Variants in ZNF680 observed in about 807,000 individuals in gnomAD.
ZNF680 encodes hypothetical protein FLJ90430.
ZNF680 carries 6 observed loss-of-function variants against 12.1 expected under a neutral mutation model. That is an observed-to-expected ratio of 0.49 (90% CI 0.27 to 0.98). ZNF680 has a LOEUF of 0.98. Among genes scored for constraint, ZNF680 ranks in the 50% least tolerant of loss-of-function variants. The pLI, the probability that ZNF680 is intolerant of heterozygous loss-of-function variation, is 0.12. For synonymous variants in ZNF680, 170 were observed against 199.3 expected, an observed-to-expected ratio of 0.85 and a Z score of 1.24; for missense variants, 561 against 616.3, an observed-to-expected ratio of 0.91 and a Z score of 0.95.
chr7:64,555,731 A>AT (rs966720505), intron 1 of ZNF680, among the ~76,000 whole-genome samples: 4 of 88,662 alleles, frequency 4.5e-5, no homozygotes, highest in African/African-American at 1.8e-4. Context: ...TTTGTAAAAA[A>AT]AAATATATAT....
downstream of ZNF680, among the ~76,000 whole-genome samples, chr7:64,518,718 A>G (rs1791404842): frequency 6.6e-6 from 1 of 152,074 alleles, no homozygotes; most frequent in African/African-American, 2.4e-5. Flanking sequence ...TTTTTGACAA[A>G]GCAAACAAAA....
At chr7:64,533,063 T>C (rs947174317) in intron 3 of ZNF680, among the ~76,000 whole-genome samples, 1 of 152,100 alleles carries the variant, frequency 6.6e-6, no homozygotes, top group African/African-American at 2.4e-5. Flanking sequence ...GCCAACATAA[T>C]ACTGAATGGG....
At chr7:64,506,742 G>A in the ZNF680 span, among the ~76,000 whole-genome samples, 1 of 151,818 alleles carries the variant, frequency 6.6e-6, no homozygotes, top group East Asian at 1.9e-4. Flanking sequence ...GTTTTTTATT[G>A]TTGTACTCAA....
chr7:64,500,867 A>T, the ZNF680 span: 1 of 524,230 alleles, frequency 1.9e-6, no homozygotes, highest in Non-Finnish European at 3.7e-6. Context: ...TCGCTCCATG[A>T]ACTCCCATGT....
At position 64,525,916 on chromosome 7, in the gene ZNF680, G is replaced by A. The variant is rs1028778422; in HGVS notation, c.254-3416C>T. 1.1e-5 allele frequency: 11 copies of A among 984,484 alleles called. No homozygotes were observed. In the African/African-American group the frequency reaches 1.9e-4, roughly 17 times the overall value. 61.0% of individuals were successfully genotyped at this position (984,484 alleles called of 1,614,324 possible). On this transcript the variant is annotated intron_variant, in intron 3 of 3. Transcript: ENST00000309683. ...AAAGAACAGGGAAAATATTTATACA[G>A]GTAAACACAGAGATCGTTATATTGG...
At chr7:64,513,907 G>A in the ZNF680 span, among the ~76,000 whole-genome samples, 1 of 152,098 alleles carries the variant, frequency 6.6e-6, no homozygotes, top group Non-Finnish European at 1.5e-5. Flanking sequence ...GCCTCCCAAA[G>A]TGCTGGGATT....
chr7:64,517,070 A>ACCAAAC (rs771494297), downstream of ZNF680, among the ~76,000 whole-genome samples: 1 of 152,072 alleles, frequency 6.6e-6, no homozygotes, highest in Non-Finnish European at 1.5e-5. Context: ...ACAAGAACAA[A>ACCAAAC]CCAAACCCAA....
chr7:64,520,676 G>C lies in ZNF680; in HGVS notation c.*485C>G, dbSNP rs1791480360. 6.6e-6 allele frequency: 1 copy of C among 151,878 alleles called. No individual in the cohort carries two copies. Among genetic ancestry groups the C allele is most frequent in the African/African-American group, 2.4e-5 (1 of 41,398 alleles). The allele number at this position is 151,878 out of a possible 1,614,324, so 9.4% of individuals were successfully genotyped here. A position where few individuals can be genotyped will look rare whatever the true frequency, so the allele number is the denominator to read the frequency against. ...TCTCCAATATAAATTCCCTGATGTTGAACAAAGTTTGAGCAACTGCTTCAG... is the reference window on the plus strand; with the variant it reads ...TCTCCAATATAAATTCCCTGATGTTCAACAAAGTTTGAGCAACTGCTTCAG... On this transcript the variant is annotated 3_prime_UTR_variant, in exon 4 of 4. Coordinates refer to ENST00000309683, the MANE Select transcript of ZNF680 (RefSeq NM_178558.5).
intron 3 of ZNF680, among the ~76,000 whole-genome samples, chr7:64,523,866 T>A (rs1261025751): frequency 6.6e-6 from 1 of 150,424 alleles, no homozygotes. Flanking sequence ...TGAGCTGAGA[T>A]CGCGCCACTG....
chr7:64,499,813 A>T, the ZNF680 span, among the ~76,000 whole-genome samples: 1 of 152,186 alleles, frequency 6.6e-6, no homozygotes, highest in African/African-American at 2.4e-5. Flanking sequence ...TCTCTTGAGT[A>T]ACTGCCAATC....
chr7:64,499,081 T>G, the ZNF680 span, among the ~76,000 whole-genome samples: 37 of 152,204 alleles, frequency 2.4e-4, no homozygotes, highest in African/African-American at 8.2e-4. Flanking sequence ...CCAGAAAAAA[T>G]AATAACATTT....
At chr7:64,562,298 T>C (rs1787791594) in intron 1 of ZNF680, among the ~76,000 whole-genome samples, 1 of 150,492 alleles carries the variant, frequency 6.6e-6, no homozygotes, top group African/African-American at 2.4e-5. Context: ...TTGGGGGAAA[T>C]AAAATTCTTG....
chr7:64,526,407 T>C lies in ZNF680; in HGVS notation c.254-3907A>G. On this transcript the variant is annotated intron_variant, in intron 3 of 3. Coordinates refer to ENST00000309683, the MANE Select transcript of ZNF680 (RefSeq NM_178558.5). ...CAGTTCTACATGAAGGGCTACATAGTAGCCTGGCAAAGTGGATTATTTCTG... is the reference window on the plus strand; with the variant it reads ...CAGTTCTACATGAAGGGCTACATAGCAGCCTGGCAAAGTGGATTATTTCTG... The C allele has an allele frequency of 3.4e-6, 5 of 1,485,156 alleles. No homozygotes were observed. The South Asian group carries it at 4.1e-5, about 12-fold the overall frequency. 92.0% of individuals were successfully genotyped at this position (1,485,156 alleles called of 1,614,324 possible). A position where few individuals can be genotyped will look rare whatever the true frequency, so the allele number is the denominator to read the frequency against.
At chr7:64,499,531 G>A in the ZNF680 span, among the ~76,000 whole-genome samples, 1 of 152,230 alleles carries the variant, frequency 6.6e-6, no homozygotes, top group East Asian at 1.9e-4. Flanking sequence ...GCCGAAGCGG[G>A]CAGATCACGA....
intron 3 of ZNF680, among the ~76,000 whole-genome samples, chr7:64,524,401 A>G (rs574776971): frequency 6.6e-6 from 1 of 152,246 alleles, no homozygotes; most frequent in South Asian, 2.1e-4. Flanking sequence ...AAGTGCTGGG[A>G]TTATAGGCAT....
Position 64,522,497 on chromosome 7 carries a change from A to G in ZNF680, c.257T>C (p.Ile86Thr), listed in dbSNP as rs1388153366. 3 of 1,471,884 alleles carry G rather than the reference A, an allele frequency of 2.0e-6. No homozygotes were observed. Among genetic ancestry groups the G allele is most frequent in the Non-Finnish European group, 2.7e-6 (3 of 1,110,074 alleles). 91.2% of individuals were successfully genotyped at this position (1,471,884 alleles called of 1,614,324 possible). The change falls in exon 4 of 4, where the codon ATA (isoleucine) becomes ACA (threonine). Residue 86 changes from isoleucine to threonine, a missense_variant. Coordinates refer to ENST00000309683, the MANE Select transcript of ZNF680 (RefSeq NM_178558.5). ...RQEMVAKPPV[I>T]YSHFTEDLWP... is the part of the protein sequence containing the mutation. The stretch of plus-strand genomic sequence containing the variant: ...AAGGTCTTCAGTGAAATGAGAATAT[A>G]TAACTGAAAGACATAAAAGTAACAA...
chr7:64,503,378 CTTTTTTTTT>C, the ZNF680 span, among the ~76,000 whole-genome samples: 7 of 89,884 alleles, frequency 7.8e-5, no homozygotes, highest in East Asian at 3.6e-4. Context: ...AACTGGAAGG[CTTTTTTTTT>C]TTTTTTTTTT....
At chr7:64,562,887 C>T (rs765188283) in intron 1 of ZNF680, 38 bp downstream of exon 1, 1 of 1,613,010 alleles carries the variant, frequency 6.2e-7, no homozygotes, top group Admixed American at 1.7e-5. Context: ...TCCAACCAGC[C>T]CCTCCCCCTC....
At position 64,522,413 on chromosome 7, in the gene ZNF680, T is replaced by C. The variant is rs1417572486; in HGVS notation, c.341A>G (p.Lys114Arg). ...TAATTGTAAATTCTCATGTCCACAT[T>C]TTCCATATCCTCTCAGTATCACTTT... ...FQKVILRGYGKCGHENLQLRI... is the reference protein window; with the variant it reads ...FQKVILRGYGRCGHENLQLRI... Residue 114 changes from lysine (K) to arginine (R), a missense_variant, in exon 4 of 4, where the codon AAA becomes AGA. Physicochemically the swap from Lys to Arg is conservative, Grantham distance 26. Coordinates refer to ENST00000309683, the MANE Select transcript of ZNF680 (RefSeq NM_178558.5). 1 of 1,611,582 alleles carries C rather than the reference T, an allele frequency of 6.2e-7. No homozygotes were observed.
Sources: allele counts gnomAD v4.1 joint callset (sites outside exome capture counted in the v4.1 genomes callset), GRCh38; gene constraint gnomAD v4.1.1; transcripts MANE v1.5; gene names NCBI Gene and HGNC (gene_info 2026-07-23, HGNC 2026-07-21).